Variants in DLG2 observed in about 807,000 individuals in gnomAD.
The protein encoded by DLG2 is discs large MAGUK scaffold protein 2.
Under a neutral mutation model 132.5 loss-of-function variants are expected in DLG2, and 45 were observed. The ratio of observed to expected loss-of-function variants is 0.34; its 90% CI spans 0.27 to 0.44. The LOEUF is 0.44. Ranked by LOEUF, DLG2 falls within the 20% of genes least tolerant of loss-of-function variation. The pLI, the probability that DLG2 is intolerant of heterozygous loss-of-function variation, is 1.00. For synonymous variants in DLG2, 424 were observed against 419.6 expected, an observed-to-expected ratio of 1.01 and a Z score of -0.13; for missense variants, 1,045 against 1,196.9, an observed-to-expected ratio of 0.87 and a Z score of 1.87.
At chr11:85,046,775 C>T (rs904453493) in intron 6 of DLG2, among the ~76,000 whole-genome samples, 2 of 151,808 alleles carry the variant, frequency 1.3e-5, no homozygotes, top group Non-Finnish European at 2.9e-5. Context: ...TGCAGCCTAA[C>T]TATTGCCAAC....
At chr11:83,469,072 T>A (rs961227651) in intron 25 of DLG2, 129 bp downstream of exon 25, 1 of 694,818 alleles carries the variant, frequency 1.4e-6, no homozygotes, top group African/African-American at 1.8e-5. Flanking sequence ...TCTGCTTGGA[T>A]GTTTTAAATT....
At chr11:84,583,558 A>G (rs2099521752) in intron 6 of DLG2, among the ~76,000 whole-genome samples, 2 of 152,234 alleles carry the variant, frequency 1.3e-5, no homozygotes, top group Non-Finnish European at 2.9e-5. Context: ...GCAAAAGAAT[A>G]CATGTAATGT....
At position 84,983,332 on chromosome 11, in the gene DLG2, C is replaced by T. The variant is rs77254997; in HGVS notation, c.357+128329G>A. On this transcript the variant is annotated intron_variant, in intron 6 of 27. Coordinates refer to ENST00000376104, the MANE Select transcript of DLG2 (RefSeq NM_001142699.3). ...ATCACAGGACTCTATGTAGACAACC[C>T]GCATTATCAGCCCAGAGCCTGGTAG... Among the ~76,000 whole-genome samples, 536 of 152,194 alleles carry T rather than the reference C, an allele frequency of 3.5e-3. 5 individuals carry two copies. The highest frequency in any genetic ancestry group is 0.012 in the African/African-American group (492 of 41,504).
chr11:85,296,979 T>C (rs1349146224), intron 3 of DLG2, among the ~76,000 whole-genome samples: 1 of 150,970 alleles, frequency 6.6e-6, no homozygotes, highest in African/African-American at 2.4e-5. Flanking sequence ...TTAATTATCA[T>C]ATACATATCA....
chr11:83,919,667 T>TA (rs2077511750), intron 15 of DLG2, among the ~76,000 whole-genome samples: 2 of 152,186 alleles, frequency 1.3e-5, no homozygotes, highest in Non-Finnish European at 2.9e-5. Flanking sequence ...GTGCTAACCT[T>TA]ATAATATGAA....
intron 19 of DLG2, among the ~76,000 whole-genome samples, chr11:83,611,835 G>C (rs916238134): frequency 3.3e-5 from 5 of 152,180 alleles, no homozygotes; most frequent in Non-Finnish European, 7.3e-5. Context: ...CTGTCAAGGT[G>C]ATTTAATAGC....
chr11:85,099,243 G>A (rs2070444270), intron 6 of DLG2, among the ~76,000 whole-genome samples: 1 of 152,190 alleles, frequency 6.6e-6, no homozygotes, highest in Non-Finnish European at 1.5e-5. Flanking sequence ...TACAGACATG[G>A]CCTTGTGGAA....
chr11:84,870,673 G>C (rs561694488), intron 6 of DLG2, among the ~76,000 whole-genome samples: 1 of 152,234 alleles, frequency 6.6e-6, no homozygotes, highest in East Asian at 1.9e-4. Context: ...ATTCATCACT[G>C]TGTACATAAT....
At chr11:83,737,539 T>C (rs2092060866) in intron 18 of DLG2, among the ~76,000 whole-genome samples, 1 of 152,202 alleles carries the variant, frequency 6.6e-6, no homozygotes, top group Non-Finnish European at 1.5e-5. Context: ...CTCAAATATA[T>C]TCGGTGGCAA....
chr11:84,294,041 AG>A (rs2098050541), intron 7 of DLG2, among the ~76,000 whole-genome samples: 1 of 152,178 alleles, frequency 6.6e-6, no homozygotes, highest in South Asian at 2.1e-4. Flanking sequence ...TAGGGTATAA[AG>A]GTTCATGAAA....
chr11:85,521,801 C>T (rs917838520), intron 3 of DLG2, among the ~76,000 whole-genome samples: 13 of 152,066 alleles, frequency 8.5e-5, no homozygotes, highest in African/African-American at 2.7e-4. Flanking sequence ...GGCATTTTGC[C>T]CTGCCCTAGA....
At chr11:83,898,677 C>T (rs113793841) in intron 15 of DLG2, among the ~76,000 whole-genome samples, 3,740 of 152,136 alleles carry the variant, frequency 0.025, 165 homozygotes, top group African/African-American at 0.084. Context: ...GATACAATTG[C>T]TCCAACTACC....
intron 19 of DLG2, among the ~76,000 whole-genome samples, chr11:83,546,167 C>T (rs567334157): frequency 1.9e-4 from 29 of 152,124 alleles, no homozygotes; most frequent in Non-Finnish European, 3.5e-4. Flanking sequence ...GCTGCTCATC[C>T]TCATGACTAT....
intron 15 of DLG2, among the ~76,000 whole-genome samples, chr11:83,904,029 C>T (rs1214466930): frequency 6.6e-6 from 1 of 152,138 alleles, no homozygotes; most frequent in Non-Finnish European, 1.5e-5. Context: ...GCCCACATCA[C>T]TACTCTTGTG....
chr11:83,618,758 G>A (rs1182495225), intron 19 of DLG2, among the ~76,000 whole-genome samples: 1 of 152,078 alleles, frequency 6.6e-6, no homozygotes, highest in Non-Finnish European at 1.5e-5. Flanking sequence ...TCCTATGGAG[G>A]GGAAATATAC....
At position 83,741,176 on chromosome 11, in the gene DLG2, G is replaced by A. The variant is rs116295859; in HGVS notation, c.1825+45514C>T. Among the ~76,000 whole-genome samples, 512 of 152,208 alleles carry A rather than the reference G, an allele frequency of 3.4e-3. 1 individual carries two copies. The highest frequency in any genetic ancestry group is 8.0e-3 in the African/African-American group (331 of 41,518). On this transcript the variant is annotated intron_variant, in intron 18 of 27. Transcript: ENST00000376104. ...CCTCAATATAATAAGAGACATTTAT[G>A]ACAAACCCACAGCCATTATCATATT...
chr11:84,779,237 C>T (rs1413200025), intron 6 of DLG2, among the ~76,000 whole-genome samples: 1 of 152,074 alleles, frequency 6.6e-6, no homozygotes, highest in Non-Finnish European at 1.5e-5. Context: ...TATACACACA[C>T]ACATATCCTA....
intron 18 of DLG2, among the ~76,000 whole-genome samples, chr11:83,762,914 A>C (rs1308268543): frequency 1.3e-5 from 2 of 152,184 alleles, no homozygotes; most frequent in Non-Finnish European, 2.9e-5. Flanking sequence ...GCTTCTTAGA[A>C]GCTTTGAACA....
At chr11:85,603,701 A>G (rs1032134578) in intron 2 of DLG2, among the ~76,000 whole-genome samples, 7 of 152,094 alleles carry the variant, frequency 4.6e-5, no homozygotes, top group Admixed American at 4.6e-4. Context: ...GGATGGCTTG[A>G]GACCGGGAGT....
Sources: gnomAD v4.1 joint callset for allele counts (sites outside exome capture counted in the v4.1 genomes callset) on GRCh38, gnomAD v4.1.1 for gene constraint, MANE v1.5 for transcripts, NCBI Gene and HGNC (gene_info 2026-07-23, HGNC 2026-07-21) for gene names.